The following CNTN4 variants were observed in gnomAD, a reference collection of about 807,000 sequenced individuals.
CNTN4 encodes the protein contactin-4.
A neutral mutation model predicts 122.5 loss-of-function variants in CNTN4; 77 were observed. The ratio of observed to expected loss-of-function variants is 0.63; its 90% CI spans 0.52 to 0.76. The LOEUF (loss-of-function observed/expected upper bound fraction) is 0.76. Among genes scored for constraint, CNTN4 ranks in the 30% least tolerant of loss-of-function variants. The pLI is 0.00. For synonymous variants in CNTN4, 512 were observed against 447.0 expected (o/e 1.15, Z -1.83); for missense variants, 1,256 against 1,259.1 (o/e 1.00, Z 0.04).
At chr3:2,688,941 C>T (rs1016782112) in intron 4 of CNTN4, among the ~76,000 whole-genome samples, 2 of 152,110 alleles carry the variant, frequency 1.3e-5, no homozygotes, top group African/African-American at 2.4e-5. Flanking sequence ...TGAGGAGATA[C>T]GTCCTTACAG....
At chr3:2,442,278 A>G (rs1337930802) in intron 3 of CNTN4, among the ~76,000 whole-genome samples, 1 of 152,100 alleles carries the variant, frequency 6.6e-6, no homozygotes, top group Admixed American at 6.6e-5. Context: ...AGTAATTAGC[A>G]TTTTACAATT....
At chr3:2,988,538 C>T in intron 14 of CNTN4, 66 bp downstream of exon 14, 1 of 1,550,588 alleles carries the variant, frequency 6.4e-7, no homozygotes, top group Non-Finnish European at 8.9e-7. Context: ...ATGTAATCTA[C>T]CGAAGTGGCA....
At chr3:2,112,750 G>C (rs934000237) in intron 2 of CNTN4, among the ~76,000 whole-genome samples, 2 of 151,454 alleles carry the variant, frequency 1.3e-5, no homozygotes, top group African/African-American at 4.9e-5. Flanking sequence ...AGAATTTACT[G>C]TTTTCCATTG....
intron 3 of CNTN4, among the ~76,000 whole-genome samples, chr3:2,443,026 G>A (rs9834459): frequency 0.26 from 39,527 of 151,762 alleles, 5,647 homozygotes; most frequent in Non-Finnish European, 0.33. Flanking sequence ...AGAAGAAAAG[G>A]TAACTATTGG....
intron 3 of CNTN4, among the ~76,000 whole-genome samples, chr3:2,492,090 A>G (rs2076335527): frequency 6.6e-6 from 1 of 152,188 alleles, no homozygotes; most frequent in Non-Finnish European, 1.5e-5. Context: ...ATTCAATAAT[A>G]ACTCGAAATA....
chr3:2,714,580 G>C (rs2087365016), intron 4 of CNTN4, among the ~76,000 whole-genome samples: 2 of 152,088 alleles, frequency 1.3e-5, no homozygotes, highest in Admixed American at 6.6e-5. Flanking sequence ...AACCAAACAA[G>C]TACTCAGCCC....
intron 6 of CNTN4, among the ~76,000 whole-genome samples, chr3:2,761,251 G>A (rs1304990486): frequency 6.6e-6 from 1 of 152,058 alleles, no homozygotes; most frequent in Non-Finnish European, 1.5e-5. Flanking sequence ...CTTCCTGTTG[G>A]CCTTGTACTT....
chr3:2,505,969 A>G (rs1449232612), intron 3 of CNTN4, among the ~76,000 whole-genome samples: 2 of 152,194 alleles, frequency 1.3e-5, no homozygotes, highest in Non-Finnish European at 2.9e-5. Context: ...TTCACTCCAT[A>G]AAATATATAT....
intron 3 of CNTN4, among the ~76,000 whole-genome samples, chr3:2,470,750 C>A (rs2151499721): frequency 6.6e-6 from 1 of 152,308 alleles, no homozygotes; most frequent in South Asian, 2.1e-4. Context: ...ACCTGGCCTG[C>A]CTCTCGTTTT....
At chr3:2,405,599 A>G (rs75723652) in intron 3 of CNTN4, among the ~76,000 whole-genome samples, 476 of 44,794 alleles carry the variant, frequency 0.011, 1 homozygote, top group South Asian at 0.016. Flanking sequence ...AGATAGGTAG[A>G]TAGATAGATA....
intron 2 of CNTN4, among the ~76,000 whole-genome samples, chr3:2,281,947 A>G (rs1317681721): frequency 6.6e-6 from 1 of 152,142 alleles, no homozygotes; most frequent in Non-Finnish European, 1.5e-5. Context: ...TTTAATAATC[A>G]GGTAATGTCT....
intron 2 of CNTN4, among the ~76,000 whole-genome samples, chr3:2,165,502 T>G (rs1262939324): frequency 6.7e-6 from 1 of 150,146 alleles, no homozygotes; most frequent in Non-Finnish European, 1.5e-5. Flanking sequence ...CTTCATCACC[T>G]CACATAGTTA....
At chr3:2,315,053 CT>C (rs1178814273) in intron 2 of CNTN4, among the ~76,000 whole-genome samples, 1 of 151,860 alleles carries the variant, frequency 6.6e-6, no homozygotes, top group Non-Finnish European at 1.5e-5. Context: ...ATAAAATCCA[CT>C]GAAATGTACA....
chr3:2,287,536 A>G (rs1288422302), intron 2 of CNTN4, among the ~76,000 whole-genome samples: 1 of 151,482 alleles, frequency 6.6e-6, no homozygotes, highest in Non-Finnish European at 1.5e-5. Context: ...CCGGGAGATC[A>G]AGGCTGCAGT....
intron 2 of CNTN4, among the ~76,000 whole-genome samples, chr3:2,168,876 TC>T (rs1303230478): frequency 6.6e-6 from 1 of 152,212 alleles, no homozygotes; most frequent in Non-Finnish European, 1.5e-5. Flanking sequence ...AAGAAAAATT[TC>T]CTGCTTAAAT....
At chr3:2,926,863 C>G (rs936703583) in intron 13 of CNTN4, among the ~76,000 whole-genome samples, 11 of 152,088 alleles carry the variant, frequency 7.2e-5, no homozygotes, top group African/African-American at 2.7e-4. Context: ...TCTGGTGTAT[C>G]AAGAAAGCAG....
chr3:2,995,931 C>T (rs1033900777), intron 14 of CNTN4, among the ~76,000 whole-genome samples: 1 of 151,958 alleles, frequency 6.6e-6, no homozygotes, highest in Non-Finnish European at 1.5e-5. Context: ...AAAGGTGTTC[C>T]TTGTGTTGTT....
chr3:2,922,252 T>C (rs887253297), intron 12 of CNTN4, among the ~76,000 whole-genome samples: 2 of 152,218 alleles, frequency 1.3e-5, no homozygotes, highest in Non-Finnish European at 2.9e-5. Context: ...AGTGCCCTTC[T>C]GGGGATTTAC....
intron 3 of CNTN4, among the ~76,000 whole-genome samples, chr3:2,561,617 G>C (rs756657217): frequency 6.6e-6 from 1 of 152,032 alleles, no homozygotes; most frequent in Non-Finnish European, 1.5e-5. Flanking sequence ...TTTTCTAGCA[G>C]AATCCAATTA....
Sources: gnomAD v4.1 joint callset for allele counts (sites outside exome capture counted in the v4.1 genomes callset) on GRCh38, gnomAD v4.1.1 for gene constraint, MANE v1.5 for transcripts, NCBI Gene and HGNC (gene_info 2026-07-23, HGNC 2026-07-21) for gene names.